Variants in TMEM184B observed in about 807,000 individuals in gnomAD.
The protein encoded by TMEM184B is transmembrane protein 184B, also known as putative MAPK-activating protein FM08.
A neutral mutation model predicts 41.8 loss-of-function variants in TMEM184B; 17 were observed. The ratio of observed to expected loss-of-function variants is 0.41; its 90% CI spans 0.28 to 0.61. TMEM184B has a LOEUF of 0.61. Among genes scored for constraint, TMEM184B ranks in the 20% least tolerant of loss-of-function variants. The pLI is 0.34. For synonymous variants in TMEM184B, 240 were observed against 229.5 expected (o/e 1.05, Z -0.41); for missense variants, 393 against 557.8 (o/e 0.70, Z 2.98).
intron 5 of TMEM184B, among the ~76,000 whole-genome samples, chr22:38,227,339 C>T (rs1305025155): frequency 1.3e-5 from 2 of 152,014 alleles, no homozygotes; most frequent in African/African-American, 2.4e-5. Context: ...ACCAAGGCCC[C>T]GAGGCAGAGG....
At position 38,221,046 on chromosome 22, in the gene TMEM184B, A is replaced by G; in HGVS notation, c.*423T>C. ...CAGGCGGGAAGAGCCCAGGTCAGAC[A>G]GGGTATTGCACGGTGTGTGGGGGAG... On this transcript the variant is annotated 3_prime_UTR_variant, in exon 9 of 9. Coordinates refer to ENST00000361906, the MANE Select transcript of TMEM184B (RefSeq NM_012264.5). The G allele has an allele frequency of 2.0e-6, 2 of 1,014,930 alleles. No homozygotes were observed. The highest frequency in any genetic ancestry group is 2.4e-6 in the Non-Finnish European group (2 of 848,802). 62.9% of individuals were successfully genotyped at this position (1,014,930 alleles called of 1,614,324 possible).
intron 1 of TMEM184B, among the ~76,000 whole-genome samples, chr22:38,269,022 C>T (rs2092483284): frequency 6.6e-6 from 1 of 152,260 alleles, no homozygotes; most frequent in African/African-American, 2.4e-5. Context: ...TTATTACTCC[C>T]ATCTTACAGA....
Position 38,225,335 on chromosome 22 carries a change from G to T in TMEM184B, c.787+89C>A. The T allele has an allele frequency of 1.4e-6, 2 of 1,457,272 alleles. No homozygotes were observed. Among genetic ancestry groups the T allele is most frequent in the Non-Finnish European group, 9.2e-7 (1 of 1,091,298 alleles). 90.3% of individuals were successfully genotyped at this position (1,457,272 alleles called of 1,614,324 possible). On this transcript the variant is annotated intron_variant, in intron 7 of 8. Transcript: ENST00000361906. This position sits in a 1 kb window ranked among gnomAD's most constrained non-coding sequence, Gnocchi z 4.4. ...GAGGCCCCTCTGAACAGGCCCTACA[G>T]GCACCAGGGACCATAAGCAGAAGGG...
chr22:38,226,946 G>A lies in TMEM184B; in HGVS notation c.526-76C>T, dbSNP rs1819648048. 1.5e-5 allele frequency: 21 copies of A among 1,429,834 alleles called. No homozygotes were observed. The South Asian group carries it at 2.2e-4, about 15-fold the overall frequency. 88.6% of individuals were successfully genotyped at this position (1,429,834 alleles called of 1,614,324 possible). On this transcript the variant is annotated intron_variant, in intron 5 of 8. Transcript: ENST00000361906. This position sits in a 1 kb window ranked among gnomAD's most constrained non-coding sequence, Gnocchi z 4.6. ...GAAGCAAGCCCTGCCTCTGGCAGAC[G>A]GAACTGTACCGGATGGAGGGACAGA...
Position 38,225,328 on chromosome 22 carries a change from C to T in TMEM184B, c.787+96G>A. 1.4e-6 allele frequency: 2 copies of T among 1,431,664 alleles called. No individual in the cohort carries two copies. The highest frequency in any genetic ancestry group is 1.9e-6 in the Non-Finnish European group (2 of 1,069,034). 88.7% of individuals were successfully genotyped at this position (1,431,664 alleles called of 1,614,324 possible). A position where few individuals can be genotyped will look rare whatever the true frequency, so the allele number is the denominator to read the frequency against. Reference sequence around the variant, plus strand: ...GTGGGCTGAGGCCCCTCTGAACAGGCCCTACAGGCACCAGGGACCATAAGC... The same window carrying T: ...GTGGGCTGAGGCCCCTCTGAACAGGTCCTACAGGCACCAGGGACCATAAGC... On this transcript the variant is annotated intron_variant, in intron 7 of 8. Coordinates refer to ENST00000361906, the MANE Select transcript of TMEM184B (RefSeq NM_012264.5). The surrounding 1 kb of genome is among the most constrained non-coding windows in gnomAD (Gnocchi z 4.4).
At chr22:38,245,627 GC>G (rs1409604723) in intron 3 of TMEM184B, among the ~76,000 whole-genome samples, 1 of 140,680 alleles carries the variant, frequency 7.1e-6, no homozygotes, top group Admixed American at 6.9e-5. Flanking sequence ...CCAGGTACCT[GC>G]CTGAGACGCC....
Position 38,239,021 on chromosome 22 carries a change from T to C in TMEM184B, c.358+6914A>G, listed in dbSNP as rs1431669798. 6.6e-6 allele frequency among the ~76,000 whole-genome samples: 1 copy of C among 152,186 alleles called. No individual in the cohort carries two copies. Among genetic ancestry groups the C allele is most frequent in the Non-Finnish European group, 1.5e-5 (1 of 68,036 alleles). On this transcript the variant is annotated intron_variant, in intron 3 of 8. Transcript: ENST00000361906. This position sits in a 1 kb window ranked among gnomAD's most constrained non-coding sequence, Gnocchi z 4.6. ...CAAACAGCAACTGCATAAAGCGACA[T>C]ACGGACACCGCCTCCTGCCTCTGAA...
chr22:38,268,211 T>C (rs1442227746), intron 1 of TMEM184B, among the ~76,000 whole-genome samples: 1 of 151,764 alleles, frequency 6.6e-6, no homozygotes, highest in Non-Finnish European at 1.5e-5. Context: ...TGAAACCCCA[T>C]CTCTACTAAA....
At chr22:38,243,073 G>A (rs1259662381) in intron 3 of TMEM184B, among the ~76,000 whole-genome samples, 2 of 146,942 alleles carry the variant, frequency 1.4e-5, no homozygotes. Flanking sequence ...AAAAAAGCTG[G>A]TGAACTCGGG....
In TMEM184B at chr22:38,263,223, G is replaced by T. The variant is rs142771164; in HGVS notation, c.-59+9661C>A. Among the ~76,000 whole-genome samples, 5 of 152,198 alleles carry T rather than the reference G, an allele frequency of 3.3e-5. No homozygotes were observed. In the East Asian group the frequency reaches 7.7e-4, roughly 24 times the overall value. ...TGGCCCATTTTAATTTCTTGGAAAG[G>T]CGTACATTCACCTGCTTCAGCAATC... On this transcript the variant is annotated intron_variant, in intron 1 of 8. Coordinates refer to ENST00000361906, the MANE Select transcript of TMEM184B (RefSeq NM_012264.5).
At chr22:38,228,153 G>C (rs1025997037) in intron 5 of TMEM184B, among the ~76,000 whole-genome samples, 4 of 152,190 alleles carry the variant, frequency 2.6e-5, no homozygotes, top group African/African-American at 9.7e-5. Context: ...CGCGTGATGG[G>C]GCAGACGTGC....
chr22:38,247,922 A>G lies in TMEM184B; in HGVS notation c.40T>C (p.Ser14Pro), dbSNP rs1487005037. 1 of 1,600,078 alleles carries G rather than the reference A, an allele frequency of 6.2e-7. No homozygotes were observed. The highest frequency in any genetic ancestry group is 2.2e-5 in the East Asian group (1 of 44,548). The change falls in exon 2 of 9, where the codon TCG (serine) becomes CCG (proline). Residue 14 changes from serine to proline, a missense_variant. Around this residue, in one of 2 missense-constraint regions of TMEM184B, gnomAD observed 122 missense variants for 123.7 expected, o/e 0.99. Coordinates refer to ENST00000361906, the MANE Select transcript of TMEM184B (RefSeq NM_012264.5). ...GGCGAGGCTGCTGCGGTCGTGGGCG[A>G]CGCTGGATCCGGGGCCAGCACATCC... The part of the protein sequence containing the change: ...RGDVLAPDPA[S>P]PTTAAASPSV...
chr22:38,218,835 G>T (rs561900563), downstream of TMEM184B, among the ~76,000 whole-genome samples: 19 of 152,328 alleles, frequency 1.2e-4, no homozygotes, highest in African/African-American at 4.6e-4. Context: ...CCCCAAGAAG[G>T]CATGCGGTAC....
intron 3 of TMEM184B, among the ~76,000 whole-genome samples, chr22:38,234,543 T>C (rs546473620): frequency 6.6e-6 from 1 of 152,360 alleles, no homozygotes; most frequent in African/African-American, 2.4e-5. Flanking sequence ...TAGTGTGTTT[T>C]GGCAGTAGTT....
intron 1 of TMEM184B, 120 bp downstream of exon 1, chr22:38,272,764 G>GAGCCGGCGGCCGA (rs2092544701): frequency 1.0e-6 from 1 of 985,126 alleles, no homozygotes; most frequent in African/African-American, 1.7e-5. Flanking sequence ...CCCCGCCCGG[G>GAGCCGGCGGCCGA]AGCCGGCGGC....
chr22:38,228,921 G>A (rs149253145), intron 5 of TMEM184B, among the ~76,000 whole-genome samples: 14 of 152,336 alleles, frequency 9.2e-5, no homozygotes, highest in African/African-American at 1.9e-4. Context: ...ACAGCTGGCC[G>A]GAACCTGGGT....
At chr22:38,251,019 A>C (rs1480900716) in intron 1 of TMEM184B, among the ~76,000 whole-genome samples, 2 of 152,144 alleles carry the variant, frequency 1.3e-5, no homozygotes, top group Non-Finnish European at 2.9e-5. Flanking sequence ...CACCTCCTAC[A>C]AAGTGGGGGG....
At chr22:38,234,712 C>A (rs1211394751) in intron 3 of TMEM184B, among the ~76,000 whole-genome samples, 1 of 152,170 alleles carries the variant, frequency 6.6e-6, no homozygotes. Context: ...TGTCCTGCAC[C>A]CTGCTTACTT....
intron 3 of TMEM184B, among the ~76,000 whole-genome samples, chr22:38,241,428 C>CTA (rs1165892280): frequency 6.6e-6 from 1 of 151,644 alleles, no homozygotes; most frequent in Non-Finnish European, 1.5e-5. Flanking sequence ...TGGCTCATGC[C>CTA]TATAATCCCG....
Sources: allele counts gnomAD v4.1 joint callset (sites outside exome capture counted in the v4.1 genomes callset), GRCh38; gene constraint gnomAD v4.1.1; regional missense constraint gnomAD v4.1.1; non-coding constraint Gnocchi (gnomAD v3.1); transcripts MANE v1.5; gene names NCBI Gene and HGNC (gene_info 2026-07-23, HGNC 2026-07-21).